Variants in SYT1 observed in about 807,000 individuals in gnomAD.
The protein encoded by SYT1 is synaptotagmin 1.
In SYT1, 8 loss-of-function variants were observed where a neutral mutation model predicts 44.8. The observed-to-expected ratio is 0.18, with a 90% CI of 0.10 to 0.32. The LOEUF (loss-of-function observed/expected upper bound fraction) is 0.32, where lower values mean the gene tolerates loss of function less well. SYT1 is among the 10% of genes least tolerant of loss of function. The probability of loss-of-function intolerance (pLI) is 1.00; values close to 1 mark genes in which losing one functional copy is unlikely to be tolerated. For synonymous variants in SYT1, 154 were observed against 188.8 expected, an observed-to-expected ratio of 0.82 and a Z score of 1.51; for missense variants, 286 against 509.3, an observed-to-expected ratio of 0.56 and a Z score of 4.22.
At chr12:78,907,588 T>C (rs575985420) in intron 1 of SYT1, among the ~76,000 whole-genome samples, 7 of 152,136 alleles carry the variant, frequency 4.6e-5, no homozygotes, top group African/African-American at 1.7e-4. Flanking sequence ...TTTCCAGAAG[T>C]TGCATACTTA....
At chr12:78,926,895 C>T (rs1055472478) in intron 1 of SYT1, among the ~76,000 whole-genome samples, 19 of 152,070 alleles carry the variant, frequency 1.2e-4, no homozygotes, top group Admixed American at 9.2e-4. Flanking sequence ...ACCTTTGGTA[C>T]ACTTTATATT....
chr12:78,902,129 A>G (rs1483247758), intron 1 of SYT1, among the ~76,000 whole-genome samples: 2 of 151,994 alleles, frequency 1.3e-5, no homozygotes, highest in East Asian at 1.9e-4. Context: ...TGGCACATGT[A>G]TACCTATGTA....
chr12:79,319,399 T>A (rs1881250678), intron 8 of SYT1, among the ~76,000 whole-genome samples: 1 of 152,200 alleles, frequency 6.6e-6, no homozygotes, highest in Admixed American at 6.5e-5. Flanking sequence ...GAAGTTGGAA[T>A]TCCACGTGGC....
intron 2 of SYT1, among the ~76,000 whole-genome samples, chr12:79,005,727 T>C (rs1871032622): frequency 6.6e-6 from 1 of 152,024 alleles, no homozygotes; most frequent in Non-Finnish European, 1.5e-5. Context: ...GCCATGCAGT[T>C]TACTAATTAC....
chr12:79,142,237 C>A (rs962285003), intron 3 of SYT1, among the ~76,000 whole-genome samples: 4 of 152,192 alleles, frequency 2.6e-5, no homozygotes, highest in Admixed American at 2.6e-4. Context: ...TGCAAAATTC[C>A]AAAGCGAGGG....
In SYT1 at chr12:79,296,085, T is replaced by C; in HGVS notation, c.491T>C (p.Ile164Thr). Residue 164 changes from isoleucine (I) to threonine (T), a missense_variant, in exon 7 of 11, where the codon ATT becomes ACT. Ile to Thr is a moderately conservative substitution (Grantham distance 89). Transcript: ENST00000261205. ...TTATTTCAGCTGCTGGTAGGGATCATTCAGGCTGCCGAACTGCCCGCCTTG... is the reference window on the plus strand; with the variant it reads ...TTATTTCAGCTGCTGGTAGGGATCACTCAGGCTGCCGAACTGCCCGCCTTG... ...FQNNQLLVGI[I>T]QAAELPALDM... 1 of 1,612,162 alleles carries C rather than the reference T, an allele frequency of 6.2e-7. No individual in the cohort carries two copies. Among genetic ancestry groups the C allele is most frequent in the Non-Finnish European group, 8.5e-7 (1 of 1,179,348 alleles).
intron 9 of SYT1, among the ~76,000 whole-genome samples, chr12:79,372,859 G>C: frequency 7.2e-6 from 1 of 139,684 alleles, no homozygotes; most frequent in East Asian, 2.1e-4. Context: ...CACGCACTGT[G>C]CACCCCATCT....
chr12:79,369,871 C>T (rs746331623), intron 9 of SYT1, among the ~76,000 whole-genome samples: 1 of 152,104 alleles, frequency 6.6e-6, no homozygotes, highest in Non-Finnish European at 1.5e-5. Context: ...ACTAGTTATT[C>T]AAACTATGAG....
chr12:79,209,036 G>A lies in SYT1; in HGVS notation c.-17-8467G>A, dbSNP rs182208660. Among the ~76,000 whole-genome samples, 446 of 152,288 alleles carry A rather than the reference G, an allele frequency of 2.9e-3. 3 individuals are homozygous for A. The highest frequency in any genetic ancestry group is 0.01 in the African/African-American group (420 of 41,562). On this transcript the variant is annotated intron_variant, in intron 3 of 10. Coordinates refer to ENST00000261205, the MANE Select transcript of SYT1 (RefSeq NM_005639.3). ...TGTTTTAGGTTAGCCAAACTGCTGT[G>A]CTTCCAGTTGTTGTAAGGTCTGAAA... is the stretch of plus-strand genomic sequence containing the variant.
chr12:79,042,490 A>G (rs1592691859), intron 2 of SYT1, among the ~76,000 whole-genome samples: 2 of 144,970 alleles, frequency 1.4e-5, no homozygotes, highest in East Asian at 4.2e-4. Flanking sequence ...ATCATTTTTT[A>G]TTGCATCTAT....
At chr12:78,898,643 T>G (rs1875492795) in intron 1 of SYT1, among the ~76,000 whole-genome samples, 2 of 152,046 alleles carry the variant, frequency 1.3e-5, no homozygotes, top group Non-Finnish European at 2.9e-5. Context: ...CATTGCAACC[T>G]CAGACAAGAA....
At chr12:78,994,483 CTCCT>C (rs1168943071) in intron 2 of SYT1, among the ~76,000 whole-genome samples, 1 of 136,252 alleles carries the variant, frequency 7.3e-6, no homozygotes, top group African/African-American at 2.8e-5. Flanking sequence ...TCTTTTTCTT[CTCCT>C]TTTTTTTTTT....
intron 3 of SYT1, among the ~76,000 whole-genome samples, chr12:79,177,029 A>G (rs2138376672): frequency 1.1e-5 from 1 of 94,546 alleles, no homozygotes; most frequent in Admixed American, 1.4e-4. Flanking sequence ...TTGTAAAAGC[A>G]TATTTCTTTT....
At chr12:78,953,679 A>C (rs1879079581) in intron 1 of SYT1, among the ~76,000 whole-genome samples, 1 of 152,138 alleles carries the variant, frequency 6.6e-6, no homozygotes, top group African/African-American at 2.4e-5. Flanking sequence ...TTAAGAAAAC[A>C]CAAATATTAC....
chr12:79,096,205 T>C (rs1878120209), intron 3 of SYT1, among the ~76,000 whole-genome samples: 1 of 151,980 alleles, frequency 6.6e-6, no homozygotes, highest in Non-Finnish European at 1.5e-5. Flanking sequence ...ATTTAATCTT[T>C]CCTAGGTTTA....
At chr12:79,447,399 T>C (rs1003627890) in intron 10 of SYT1, among the ~76,000 whole-genome samples, 1 of 152,276 alleles carries the variant, frequency 6.6e-6, no homozygotes, top group Admixed American at 6.5e-5. Context: ...AAGCAAAATA[T>C]GCTAATTTCC....
chr12:79,389,909 CTTGT>C (rs1565938093), intron 9 of SYT1, among the ~76,000 whole-genome samples: 1 of 151,950 alleles, frequency 6.6e-6, no homozygotes, highest in Non-Finnish European at 1.5e-5. Flanking sequence ...ATAGTCACTA[CTTGT>C]TTGTTTCCAA....
intron 3 of SYT1, among the ~76,000 whole-genome samples, chr12:79,115,429 T>G (rs1565812939): frequency 6.6e-6 from 1 of 152,204 alleles, no homozygotes; most frequent in Non-Finnish European, 1.5e-5. Context: ...TTCTACCACC[T>G]CAACCCAAGT....
At chr12:78,947,175 C>A (rs560510624) in intron 1 of SYT1, among the ~76,000 whole-genome samples, 1 of 152,308 alleles carries the variant, frequency 6.6e-6, no homozygotes, top group East Asian at 1.9e-4. Context: ...ATCTTGGTTG[C>A]TTCCTGTTCT....
Sources: gnomAD v4.1 joint callset for allele counts (sites outside exome capture counted in the v4.1 genomes callset) on GRCh38, gnomAD v4.1.1 for gene constraint, MANE v1.5 for transcripts, NCBI Gene and HGNC (gene_info 2026-07-23, HGNC 2026-07-21) for gene names.